Variants in DGLUCY observed in about 807,000 individuals in gnomAD.
DGLUCY encodes the protein D-glutamate cyclase, mitochondrial.
Under a neutral mutation model 58.5 loss-of-function variants are expected in DGLUCY, and 58 were observed. That is an observed-to-expected ratio of 0.99 (90% confidence interval 0.80 to 1.23). The LOEUF is 1.23. Among genes scored for constraint, DGLUCY ranks in the 50% most tolerant of loss-of-function variants. The pLI is 0.00. For missense variants in DGLUCY, 779 were observed against 784.7 expected (o/e 0.99, Z 0.09); for synonymous variants, 325 against 314.1 (o/e 1.03, Z -0.37).
intron 1 of DGLUCY, among the ~76,000 whole-genome samples, chr14:91,108,565 G>GT (rs2044640707): frequency 1.4e-5 from 2 of 147,960 alleles, no homozygotes; most frequent in African/African-American, 5.0e-5. Flanking sequence ...GAGAGACAGA[G>GT]TTTTGCTCTG....
intron 1 of DGLUCY, among the ~76,000 whole-genome samples, chr14:91,136,986 G>A (rs1201366785): frequency 1.3e-5 from 2 of 151,716 alleles, no homozygotes; most frequent in Non-Finnish European, 2.9e-5. Flanking sequence ...AAAAAATGCA[G>A]ACCCCCAAGC....
intron 10 of DGLUCY, among the ~76,000 whole-genome samples, chr14:91,196,963 A>G (rs1162584075): frequency 1.3e-5 from 2 of 151,882 alleles, no homozygotes; most frequent in Non-Finnish European, 2.9e-5. Flanking sequence ...TTATGGTCAA[A>G]CTTTTTTTCT....
chr14:91,132,468 A>T (rs556097279), intron 1 of DGLUCY, among the ~76,000 whole-genome samples: 2 of 150,084 alleles, frequency 1.3e-5, no homozygotes, highest in East Asian at 3.9e-4. Context: ...TGGGAGACCC[A>T]TAACTTTTTC....
rs114520677 is a variant in DGLUCY, at chr14:91,183,867, G to C, written c.934+2478G>C. Among the ~76,000 whole-genome samples the C allele has an allele frequency of 5.0e-3, 756 of 152,222 alleles. 5 individuals are homozygous for C. The highest frequency in any genetic ancestry group is 0.017 in the African/African-American group (710 of 41,524). On this transcript the variant is annotated intron_variant, in intron 8 of 13. Coordinates refer to ENST00000256324, the MANE Select transcript of DGLUCY (RefSeq NM_001102368.3). ...CAGTCTTGCCTGGGCAGTTGAAAGA[G>C]TGCTCTAGCGACTCCTGGTTCACAC...
At chr14:91,140,515 A>C (rs2046602779) in intron 1 of DGLUCY, among the ~76,000 whole-genome samples, 1 of 152,106 alleles carries the variant, frequency 6.6e-6, no homozygotes, top group African/African-American at 2.4e-5. Context: ...CTACTAAAAT[A>C]CAAACATTAG....
rs1234429856 is a variant in DGLUCY at position 91,181,364 on chromosome 14, A to G, written c.909A>G (p.Leu303=). The change falls in exon 8 of 14, where the codon CTA becomes CTG. Residue 303 remains leucine (L), a synonymous_variant. Coordinates refer to ENST00000256324, the MANE Select transcript of DGLUCY (RefSeq NM_001102368.3). ...SVSASQKIRE[L]ESMIGIDPGN... ...CTGCTTCTCAGAAGATCAGAGAACT[A>G]GAGTCTATGATCGGCATAGACCCAG... 1.9e-6 allele frequency: 3 copies of G among 1,613,932 alleles called. No homozygotes were observed. The highest frequency in any genetic ancestry group is 2.5e-6 in the Non-Finnish European group (3 of 1,180,012).
chr14:91,218,916 TCAC>T, intron 13 of DGLUCY, among the ~76,000 whole-genome samples: 1 of 151,720 alleles, frequency 6.6e-6, no homozygotes, highest in East Asian at 2.0e-4. Flanking sequence ...ATGGTGGCTC[TCAC>T]CTGTATTCCC....
chr14:91,156,524 T>C (rs1310667917), intron 1 of DGLUCY, among the ~76,000 whole-genome samples: 2 of 152,192 alleles, frequency 1.3e-5, no homozygotes, highest in African/African-American at 4.8e-5. Flanking sequence ...AACAGAGAAA[T>C]TACTTTCTAA....
chr14:91,112,472 C>T (rs1001051136), upstream of DGLUCY, among the ~76,000 whole-genome samples: 6 of 152,252 alleles, frequency 3.9e-5, no homozygotes, highest in East Asian at 1.2e-3. Context: ...TATGGACCTT[C>T]GCAGAGCGTT....
At chr14:91,200,185 C>T (rs1008932984) in intron 11 of DGLUCY, among the ~76,000 whole-genome samples, 1 of 152,146 alleles carries the variant, frequency 6.6e-6, no homozygotes, top group East Asian at 1.9e-4. Flanking sequence ...GAACTCCTGA[C>T]GTCAAGTGAT....
chr14:91,108,526 TGA>T (rs1194090963), intron 1 of DGLUCY, among the ~76,000 whole-genome samples: 1,749 of 52,020 alleles, frequency 0.034, 40 homozygotes, highest in Middle Eastern at 0.083. Context: ...TGTGTGTGTG[TGA>T]GAGAGAGAGA....
At chr14:91,104,214 C>T (rs2044547677), upstream of DGLUCY, among the ~76,000 whole-genome samples, 1 of 151,656 alleles carries the variant, frequency 6.6e-6, no homozygotes, top group South Asian at 2.1e-4. Flanking sequence ...AGGCACCCGC[C>T]ACCACGCCCG....
intron 1 of DGLUCY, among the ~76,000 whole-genome samples, chr14:91,154,777 T>C (rs1300996255): frequency 6.6e-6 from 1 of 152,186 alleles, no homozygotes; most frequent in Non-Finnish European, 1.5e-5. Context: ...ACTAGCTTCC[T>C]AAAAGGCAAG....
Position 91,204,709 on chromosome 14 carries a change from T to G in DGLUCY, c.1448T>G (p.Val483Gly). ...KKIPGISSTG[V>G]GDGGNELGMG... ...ACTCAGCTCCCCTTCCCTTCAGGAG[T>G]CGGTGATGGAGGCAACGAGCTTGGG... Residue 483 changes from valine (V) to glycine (G), a missense_variant, in exon 12 of 14, where the codon GTC becomes GGC. Transcript: ENST00000256324. The G allele has an allele frequency of 6.2e-7, 1 of 1,613,584 alleles. No individual in the cohort carries two copies. The highest frequency in any genetic ancestry group is 1.3e-5 in the African/African-American group (1 of 74,934).
rs752500654 is a variant in DGLUCY, at chr14:91,167,392, G to A, written c.257+14G>A. On this transcript the variant is annotated intron_variant, in intron 4 of 13. Coordinates refer to ENST00000256324, the MANE Select transcript of DGLUCY (RefSeq NM_001102368.3). ...CTCAGAGACCAGGTAAAAAGCTTGGGTTACTGTGGGTTGAAGCTTGGGAGT... is the reference window on the plus strand; with the variant it reads ...CTCAGAGACCAGGTAAAAAGCTTGGATTACTGTGGGTTGAAGCTTGGGAGT... 5.6e-6 allele frequency: 9 copies of A among 1,613,998 alleles called. No individual in the cohort carries two copies. The highest frequency in any genetic ancestry group is 1.7e-5 in the Admixed American group (1 of 59,982).
At position 91,225,047 on chromosome 14, in the gene DGLUCY, C is replaced by A; in HGVS notation, c.*214C>A. ...ACAACATTTCTCTGGGGCTTTTTAA[C>A]TTTTATTCCTAAGACTCTAAAGGCG... is the stretch of plus-strand genomic sequence containing the variant. On this transcript the variant is annotated 3_prime_UTR_variant, in exon 14 of 14. Transcript: ENST00000256324. 2.1e-6 allele frequency: 1 copy of A among 476,462 alleles called. No individual in the cohort carries two copies. The highest frequency in any genetic ancestry group is 3.5e-6 in the Non-Finnish European group (1 of 285,320). The allele number at this position is 476,462 out of a possible 1,614,324, so 29.5% of individuals were successfully genotyped here.
At chr14:91,097,831 G>A (rs375598647) in intron 1 of DGLUCY, among the ~76,000 whole-genome samples, 20 of 152,144 alleles carry the variant, frequency 1.3e-4, no homozygotes, top group East Asian at 3.9e-4. Flanking sequence ...GTGCCACCAC[G>A]CCCAGCTAAT....
upstream of DGLUCY, among the ~76,000 whole-genome samples, chr14:91,107,480 T>C (rs1220505050): frequency 6.6e-6 from 1 of 151,914 alleles, no homozygotes; most frequent in Non-Finnish European, 1.5e-5. Context: ...ATCGCGCCAC[T>C]GCACTCCAGC....
At chr14:91,165,154 C>A (rs1429455162) in intron 3 of DGLUCY, 3 of 445,470 alleles carry the variant, frequency 6.7e-6, no homozygotes, top group Non-Finnish European at 1.3e-5. Flanking sequence ...GTTTCATTAC[C>A]TAGTATAGTT....
Sources: gnomAD v4.1 joint callset for allele counts (sites outside exome capture counted in the v4.1 genomes callset) on GRCh38, gnomAD v4.1.1 for gene constraint, MANE v1.5 for transcripts, NCBI Gene and HGNC (gene_info 2026-07-23, HGNC 2026-07-21) for gene names.